The following KCNAB1 variants were observed in gnomAD, a reference collection of about 807,000 sequenced individuals.
KCNAB1 encodes potassium voltage-gated channel subfamily A regulatory beta subunit 1.
Under a neutral mutation model 64.6 loss-of-function variants are expected in KCNAB1, and 35 were observed. The ratio of observed to expected loss-of-function variants is 0.54; its 90% CI spans 0.41 to 0.72. KCNAB1 has a LOEUF of 0.72. Ranked by LOEUF, KCNAB1 falls within the 30% of genes least tolerant of loss-of-function variation. The pLI, the probability that KCNAB1 is intolerant of heterozygous loss-of-function variation, is 0.00. For missense variants in KCNAB1, 401 were observed against 512.9 expected, an observed-to-expected ratio of 0.78 and a Z score of 2.11; for synonymous variants, 177 against 183.8, an observed-to-expected ratio of 0.96 and a Z score of 0.30.
At chr3:156,513,697 C>T (rs188433141) in intron 8 of KCNAB1, among the ~76,000 whole-genome samples, 15 of 152,266 alleles carry the variant, frequency 9.9e-5, no homozygotes, top group Admixed American at 2.0e-4. Flanking sequence ...CTGATGAGCA[C>T]GCTGGGTGGG....
At chr3:156,388,221 C>T (rs951033696) in intron 1 of KCNAB1, among the ~76,000 whole-genome samples, 1 of 152,134 alleles carries the variant, frequency 6.6e-6, no homozygotes, top group Non-Finnish European at 1.5e-5. Flanking sequence ...GGAAGTAGAA[C>T]CTTGTATCTG....
At chr3:156,528,107 G>A (rs1036070706) in intron 12 of KCNAB1, among the ~76,000 whole-genome samples, 8 of 151,160 alleles carry the variant, frequency 5.3e-5, no homozygotes, top group African/African-American at 1.9e-4. Flanking sequence ...CCTAGAACCT[G>A]CTTTGTCCTC....
At chr3:156,433,058 A>C (rs1434583916) in intron 2 of KCNAB1, among the ~76,000 whole-genome samples, 4 of 152,170 alleles carry the variant, frequency 2.6e-5, no homozygotes, top group Non-Finnish European at 4.4e-5. Flanking sequence ...AAGCACGGCC[A>C]GGCACTTTTT....
intron 2 of KCNAB1, among the ~76,000 whole-genome samples, chr3:156,449,304 G>A (rs1170041916): frequency 6.6e-6 from 1 of 152,158 alleles, no homozygotes; most frequent in African/African-American, 2.4e-5. Flanking sequence ...ACATGTTTCA[G>A]GCCCTGTATT....
intron 2 of KCNAB1, among the ~76,000 whole-genome samples, chr3:156,433,123 T>TGGGGAAACAG (rs1183487487): frequency 1.3e-5 from 2 of 152,168 alleles, no homozygotes; most frequent in African/African-American, 4.8e-5. Context: ...GACGCTGTGC[T>TGGGGAAACAG]GGGGAAACAG....
At chr3:156,352,798 G>T (rs1001052522) in intron 1 of KCNAB1, among the ~76,000 whole-genome samples, 2 of 152,222 alleles carry the variant, frequency 1.3e-5, no homozygotes, top group African/African-American at 2.4e-5. Context: ...TGGGCAGAGG[G>T]TGTCAGCCTG....
chr3:156,223,392 A>G lies in KCNAB1; in HGVS notation c.275+102506A>G, dbSNP rs200006216. ...CATCCTGCTGATTGGTCCATTTTAC[A>G]GAGAGCCGATTAGTCTGTTTTACAG... On this transcript the variant is annotated intron_variant, in intron 1 of 13. Transcript: ENST00000490337. Among the ~76,000 whole-genome samples the G allele has an allele frequency of 2.4e-4, 37 of 152,360 alleles. No individual in the cohort carries two copies. The East Asian group carries it at 5.0e-3, about 21-fold the overall frequency.
chr3:156,164,704 C>G (rs1716267611), intron 1 of KCNAB1, among the ~76,000 whole-genome samples: 1 of 152,146 alleles, frequency 6.6e-6, no homozygotes, highest in Admixed American at 6.5e-5. Flanking sequence ...TGGTCCGGGC[C>G]TCGGTACCAG....
chr3:156,191,404 G>A (rs1576591107), intron 1 of KCNAB1, among the ~76,000 whole-genome samples: 1 of 152,108 alleles, frequency 6.6e-6, no homozygotes, highest in Non-Finnish European at 1.5e-5. Flanking sequence ...GAGCATCACT[G>A]GAAAATGGCT....
intron 12 of KCNAB1, among the ~76,000 whole-genome samples, chr3:156,526,959 CAAATA>C (rs1718352454): frequency 1.3e-5 from 2 of 151,746 alleles, no homozygotes; most frequent in Non-Finnish European, 2.9e-5. Context: ...AAGGTCTATG[CAAATA>C]AAATAATTTA....
intron 1 of KCNAB1, among the ~76,000 whole-genome samples, chr3:156,406,022 A>G (rs1714223834): frequency 6.6e-6 from 1 of 152,242 alleles, no homozygotes; most frequent in African/African-American, 2.4e-5. Context: ...GAGTTATGGG[A>G]CAGTGTATAG....
At chr3:156,453,673 T>C (rs1218489386) in intron 3 of KCNAB1, among the ~76,000 whole-genome samples, 5 of 152,304 alleles carry the variant, frequency 3.3e-5, no homozygotes, top group African/African-American at 1.2e-4. Context: ...AAGTGAGGTA[T>C]GCAGGCATTG....
At chr3:156,494,832 G>C (rs1456013593) in intron 8 of KCNAB1, among the ~76,000 whole-genome samples, 1 of 152,126 alleles carries the variant, frequency 6.6e-6, no homozygotes, top group Non-Finnish European at 1.5e-5. Flanking sequence ...GATCTATCTT[G>C]CTGGTTACAA....
chr3:156,198,486 T>G (rs1714103077), intron 1 of KCNAB1, among the ~76,000 whole-genome samples: 1 of 152,186 alleles, frequency 6.6e-6, no homozygotes, highest in Non-Finnish European at 1.5e-5. Flanking sequence ...ATTGGGTGCA[T>G]GTATATTTAG....
intron 1 of KCNAB1, among the ~76,000 whole-genome samples, chr3:156,315,209 C>T (rs189577882): frequency 7.4e-4 from 112 of 152,238 alleles, no homozygotes; most frequent in African/African-American, 2.5e-3. Flanking sequence ...TGGTGCTATG[C>T]GAGTGCCTGC....
chr3:156,233,412 A>G (rs541628477), intron 1 of KCNAB1, among the ~76,000 whole-genome samples: 1 of 152,300 alleles, frequency 6.6e-6, no homozygotes, highest in African/African-American at 2.4e-5. Flanking sequence ...CTTTGGAAAC[A>G]GGAGTGTGTC....
intron 6 of KCNAB1, 109 bp downstream of exon 6, chr3:156,463,855 G>A (rs975145900): frequency 1.7e-5 from 13 of 776,664 alleles, no homozygotes; most frequent in Non-Finnish European, 2.4e-5. Context: ...TTAGAGAGAG[G>A]GTTTTTTGTT....
intron 8 of KCNAB1, among the ~76,000 whole-genome samples, chr3:156,505,251 T>C (rs1230340409): frequency 1.3e-5 from 2 of 152,344 alleles, no homozygotes; most frequent in East Asian, 1.9e-4. Flanking sequence ...GTCTATTCCA[T>C]TGATCTATGT....
At chr3:156,450,709 C>CAA (rs978894379) in intron 2 of KCNAB1, among the ~76,000 whole-genome samples, 1 of 152,138 alleles carries the variant, frequency 6.6e-6, no homozygotes, top group Non-Finnish European at 1.5e-5. Flanking sequence ...TATTCTCATT[C>CAA]AAAAACAAAT....
Sources: gnomAD v4.1 joint callset for allele counts (sites outside exome capture counted in the v4.1 genomes callset) on GRCh38, gnomAD v4.1.1 for gene constraint, MANE v1.5 for transcripts, NCBI Gene and HGNC (gene_info 2026-07-23, HGNC 2026-07-21) for gene names.